Variants in AMPH observed in about 807,000 individuals in gnomAD.
AMPH encodes amphiphysin.
A neutral mutation model predicts 99.1 loss-of-function variants in AMPH; 49 were observed. That is an observed-to-expected ratio of 0.49 (90% confidence interval 0.39 to 0.63). AMPH has a LOEUF of 0.63. Ranked by LOEUF, AMPH falls within the 20% of genes least tolerant of loss-of-function variation. The pLI is 0.00. For missense variants in AMPH, 759 were observed against 863.4 expected (o/e 0.88, Z 1.52); for synonymous variants, 314 against 317.3 (o/e 0.99, Z 0.11).
At chr7:38,441,354 A>T (rs138209880) in intron 11 of AMPH, among the ~76,000 whole-genome samples, 1 of 152,188 alleles carries the variant, frequency 6.6e-6, no homozygotes, top group South Asian at 2.1e-4. Context: ...TAAAAGATTT[A>T]GATAACACTG....
intron 1 of AMPH, among the ~76,000 whole-genome samples, chr7:38,545,103 C>A (rs73692758): frequency 6.6e-6 from 1 of 152,100 alleles, no homozygotes; most frequent in Non-Finnish European, 1.5e-5. Context: ...TTTCAAGAAC[C>A]ATACATGTGC....
chr7:38,469,133 G>A (rs1348530357), intron 7 of AMPH, among the ~76,000 whole-genome samples: 2 of 50,954 alleles, frequency 3.9e-5, no homozygotes, highest in Non-Finnish European at 6.3e-5. Context: ...CAGCCTGGGC[G>A]ACAGAGCGAG....
intron 11 of AMPH, among the ~76,000 whole-genome samples, chr7:38,441,886 C>CATATATACATATATATCATATATATCAT (rs1562757915): frequency 1.8e-5 from 1 of 56,910 alleles, no homozygotes; most frequent in East Asian, 7.7e-4. Flanking sequence ...ATATCATATA[C>CATATATACATATATATCATATATATCAT]ATACACACAC....
chr7:38,530,863 C>G (rs1028847222), intron 2 of AMPH, among the ~76,000 whole-genome samples: 2 of 152,140 alleles, frequency 1.3e-5, no homozygotes, highest in Non-Finnish European at 2.9e-5. Flanking sequence ...GAAATGAAAT[C>G]AGATTTTGTT....
intron 2 of AMPH, among the ~76,000 whole-genome samples, chr7:38,519,391 T>G (rs963127494): frequency 1.3e-5 from 2 of 152,322 alleles, no homozygotes; most frequent in Admixed American, 6.5e-5. Context: ...AACTCATAAT[T>G]ACAAAAGAAG....
intron 11 of AMPH, among the ~76,000 whole-genome samples, chr7:38,453,473 C>T (rs74932767): frequency 6.6e-6 from 1 of 152,096 alleles, no homozygotes; most frequent in African/African-American, 2.4e-5. Flanking sequence ...TAACTTTTCC[C>T]ATCACTCTCA....
chr7:38,445,023 ACG>A (rs1786712799), intron 11 of AMPH, among the ~76,000 whole-genome samples: 1 of 147,604 alleles, frequency 6.8e-6, no homozygotes, highest in Non-Finnish European at 1.5e-5. Flanking sequence ...ACACACACAC[ACG>A]GTATATACAT....
At chr7:38,425,155 A>G (rs1785737499) in intron 15 of AMPH, among the ~76,000 whole-genome samples, 1 of 152,208 alleles carries the variant, frequency 6.6e-6, no homozygotes, top group African/African-American at 2.4e-5. Context: ...TGATTAAACC[A>G]CAAATGAGAA....
chr7:38,533,984 G>A (rs999826541), intron 2 of AMPH, among the ~76,000 whole-genome samples: 9 of 151,962 alleles, frequency 5.9e-5, no homozygotes, highest in African/African-American at 1.2e-4. Context: ...CTATATCCAC[G>A]TGTCTGTTAA....
At chr7:38,417,106 T>G (rs943270140) in intron 17 of AMPH, among the ~76,000 whole-genome samples, 1 of 152,206 alleles carries the variant, frequency 6.6e-6, no homozygotes. Context: ...TAAATGACTT[T>G]TCACTCGCCA....
At chr7:38,423,858 A>G (rs1056178162) in intron 15 of AMPH, among the ~76,000 whole-genome samples, 57 of 152,182 alleles carry the variant, frequency 3.7e-4, no homozygotes, top group African/African-American at 1.4e-3. Flanking sequence ...ACCAAGCAAC[A>G]TCCTTGCCTA....
intron 14 of AMPH, chr7:38,429,386 G>T: frequency 7.7e-7 from 1 of 1,291,004 alleles, no homozygotes; most frequent in South Asian, 1.2e-5. Context: ...GCTCTGTTTC[G>T]GAGGGACATG....
intron 11 of AMPH, among the ~76,000 whole-genome samples, chr7:38,447,003 C>T (rs1291124995): frequency 1.3e-5 from 2 of 151,590 alleles, no homozygotes; most frequent in Non-Finnish European, 2.9e-5. Flanking sequence ...CAAAAATATA[C>T]ATTTTGGTTA....
chr7:38,451,053 C>A (rs1361208614), intron 11 of AMPH, among the ~76,000 whole-genome samples: 1 of 148,922 alleles, frequency 6.7e-6, no homozygotes, highest in Non-Finnish European at 1.5e-5. Context: ...CTGCCATGCC[C>A]AGCTATTTTT....
intron 11 of AMPH, 137 bp downstream of exon 11, chr7:38,461,146 G>T: frequency 1.0e-6 from 1 of 989,414 alleles, no homozygotes; most frequent in Non-Finnish European, 1.5e-6. Flanking sequence ...GACTAACCAA[G>T]TAATTAAAAC....
In AMPH at chr7:38,420,699, G is replaced by A. The variant is rs1479505950; in HGVS notation, c.1272+1722C>T. ...ATGGGTTGGGACAGCAGGGGCAGAA[G>A]TCTAGTCACATCCAATGTGGCCTTG... On this transcript the variant is annotated intron_variant, in intron 16 of 20. Transcript: ENST00000356264. Among the ~76,000 whole-genome samples, 6 of 152,158 alleles carry A rather than the reference G, an allele frequency of 3.9e-5. No homozygotes were observed. In the South Asian group the frequency reaches 1.0e-3, roughly 26 times the overall value.
chr7:38,444,990 C>CATAT (rs3056203), intron 11 of AMPH, among the ~76,000 whole-genome samples: 5 of 135,846 alleles, frequency 3.7e-5, no homozygotes, highest in Admixed American at 2.3e-4. Flanking sequence ...CATATATATA[C>CATAT]ATATATATAT....
rs1468868996 is a variant in AMPH, at chr7:38,436,273, T to C, written c.1133A>G (p.Gln378Arg). 1 of 1,612,658 alleles carries C rather than the reference T, an allele frequency of 6.2e-7. No homozygotes were observed. Among genetic ancestry groups the C allele is most frequent in the Non-Finnish European group, 8.5e-7 (1 of 1,178,678 alleles). ...AAACATCCAAAAAGCACCTGATACC[T>C]GAGACATGGGTGAGTGGGTCACTCC... ...SAGVTHSPMS[Q>R]TLPWDLWTTS... The change falls in exon 12 of 21, where the codon CAG becomes CGG. Residue 378 changes from glutamine to arginine, a missense_variant and splice_region_variant. By Grantham distance (43) the Gln-to-Arg change is conservative. Coordinates refer to ENST00000356264, the MANE Select transcript of AMPH (RefSeq NM_001635.4).
intron 19 of AMPH, among the ~76,000 whole-genome samples, chr7:38,391,286 T>C (rs535614822): frequency 1.3e-5 from 2 of 152,324 alleles, no homozygotes; most frequent in African/African-American, 4.8e-5. Flanking sequence ...AGTTCATTCA[T>C]ACATGAATCC....
Sources: allele counts gnomAD v4.1 joint callset (sites outside exome capture counted in the v4.1 genomes callset), GRCh38; gene constraint gnomAD v4.1.1; transcripts MANE v1.5; gene names NCBI Gene and HGNC (gene_info 2026-07-23, HGNC 2026-07-21).